KMT2C: variants seen among roughly 807,000 people sequenced by gnomAD.
KMT2C encodes histone-lysine N-methyltransferase 2C.
KMT2C carries 88 observed loss-of-function variants against 507.9 expected under a neutral mutation model. The observed-to-expected ratio is 0.17, with a 90% confidence interval of 0.15 to 0.21. The LOEUF (loss-of-function observed/expected upper bound fraction) is 0.21, where lower values mean the gene tolerates loss of function less well. Among genes scored for constraint, KMT2C ranks in the 10% least tolerant of loss-of-function variants. KMT2C has a pLI of 1.00. For synonymous variants in KMT2C, 2,049 were observed against 2,080.8 expected, an observed-to-expected ratio of 0.98 and a Z score of 0.42; for missense variants, 4,954 against 5,957.8, an observed-to-expected ratio of 0.83 and a Z score of 5.55.
chr7:152,212,519 A>C (rs1055480690), intron 23 of KMT2C, among the ~76,000 whole-genome samples: 6 of 152,234 alleles, frequency 3.9e-5, no homozygotes, highest in Non-Finnish European at 8.8e-5. Context: ...AGAAACCCCC[A>C]AAAATTCCAC....
intron 14 of KMT2C, among the ~76,000 whole-genome samples, chr7:152,245,955 C>T (rs529409898): frequency 6.6e-6 from 1 of 152,082 alleles, no homozygotes; most frequent in South Asian, 2.1e-4. Flanking sequence ...ACAGCCAATC[C>T]CCAACGTGAA....
intron 6 of KMT2C, among the ~76,000 whole-genome samples, chr7:152,291,869 T>C (rs2096432388): frequency 6.6e-6 from 1 of 152,228 alleles, no homozygotes; most frequent in Non-Finnish European, 1.5e-5. Flanking sequence ...TATGGACACA[T>C]CTTTGTTTAC....
rs531340655 is a variant in KMT2C, at chr7:152,354,198, C to G, written c.250+4389G>C. Among the ~76,000 whole-genome samples the G allele has an allele frequency of 1.4e-4, 22 of 152,280 alleles. No homozygotes were observed. In the Middle Eastern group the frequency reaches 0.01, roughly 71 times the overall value. On this transcript the variant is annotated intron_variant, in intron 2 of 58. Coordinates refer to ENST00000262189, the MANE Select transcript of KMT2C (RefSeq NM_170606.3). ...TTTATCTAAACTGTATTTGCCTTGACCTCTCATAGGAGACAGCATGAGAAG... is the reference window on the plus strand; with the variant it reads ...TTTATCTAAACTGTATTTGCCTTGAGCTCTCATAGGAGACAGCATGAGAAG...
At chr7:152,301,760 T>C (rs1337713168) in intron 6 of KMT2C, among the ~76,000 whole-genome samples, 3 of 152,144 alleles carry the variant, frequency 2.0e-5, no homozygotes, top group Non-Finnish European at 4.4e-5. Context: ...AAAATTTACA[T>C]GGAAAAACAC....
chr7:152,341,007 AT>A (rs1450550659), intron 2 of KMT2C, among the ~76,000 whole-genome samples: 3 of 152,230 alleles, frequency 2.0e-5, no homozygotes, highest in South Asian at 4.1e-4. Flanking sequence ...TGTTAATGGA[AT>A]TTTTTGCAAT....
intron 6 of KMT2C, among the ~76,000 whole-genome samples, chr7:152,301,515 TAAA>T (rs577080463): frequency 4.0e-4 from 60 of 150,966 alleles, no homozygotes; most frequent in Non-Finnish European, 7.5e-4. Flanking sequence ...CTCAAAAAAA[TAAA>T]AAAGAAAAGA....
chr7:152,356,867 G>A (rs548986369), intron 2 of KMT2C, among the ~76,000 whole-genome samples: 1 of 149,550 alleles, frequency 6.7e-6, no homozygotes, highest in African/African-American at 2.5e-5. Flanking sequence ...CTCCAGCCTG[G>A]GAGACAAGAG....
Position 152,263,056 on chromosome 7 carries a change from G to C in KMT2C, c.1259C>G (p.Pro420Arg), listed in dbSNP as rs2095806285. 6.2e-7 allele frequency: 1 copy of C among 1,612,506 alleles called. No homozygotes were observed. ...DKGYHTFCLQ[P>R]VMKSVPTNGW... The stretch of plus-strand genomic sequence containing the variant: ...ATTGGTTGGTACTGATTTCATAACT[G>C]GTTGAAGACAAAAAGTATGATACCC... The change falls in exon 9 of 59, where the codon CCA becomes CGA. Residue 420 changes from proline to arginine, a missense_variant. Physicochemically the swap from Pro to Arg is moderately radical, Grantham distance 103. Transcript: ENST00000262189.
intron 42 of KMT2C, among the ~76,000 whole-genome samples, chr7:152,165,163 A>G (rs112917726): frequency 2.6e-4 from 39 of 152,372 alleles, no homozygotes; most frequent in African/African-American, 9.1e-4. Context: ...GTAAGAAAGT[A>G]CAGAAAGCAC....
chr7:152,361,220 T>G (rs1339225604), intron 1 of KMT2C, among the ~76,000 whole-genome samples: 1 of 152,186 alleles, frequency 6.6e-6, no homozygotes, highest in East Asian at 1.9e-4. Flanking sequence ...AAGGTGGATC[T>G]TATTGTTCAT....
At chr7:152,375,704 C>T (rs940280102) in intron 1 of KMT2C, among the ~76,000 whole-genome samples, 1 of 152,000 alleles carries the variant, frequency 6.6e-6, no homozygotes, top group African/African-American at 2.4e-5. Context: ...CTACTGACAC[C>T]ATTTTCCAGC....
In KMT2C at chr7:152,249,896, G is replaced by A; in HGVS notation, c.1793C>T (p.Thr598Ile). The change falls in exon 13 of 59, where the codon ACA becomes ATA. Residue 598 changes from threonine (T) to isoleucine (I), a missense_variant. Coordinates refer to ENST00000262189, the MANE Select transcript of KMT2C (RefSeq NM_170606.3). ...CTTACCAGCAATAAGAAGACTATCT[G>A]TGTCAAGACTTTCTGAGGGATGACT... ...QKSHPSESLD[T>I]DSLLIAVSSQ... The A allele has an allele frequency of 6.3e-7, 1 of 1,598,540 alleles. No homozygotes were observed. Among genetic ancestry groups the A allele is most frequent in the Non-Finnish European group, 8.6e-7 (1 of 1,166,254 alleles).
intron 1 of KMT2C, among the ~76,000 whole-genome samples, chr7:152,433,958 C>A (rs1474106211): frequency 1.3e-5 from 2 of 152,170 alleles, no homozygotes; most frequent in Non-Finnish European, 2.9e-5. Flanking sequence ...AATTCAAATG[C>A]AAATTTAAAA....
At chr7:152,200,038 G>T (rs2094084612) in intron 26 of KMT2C, among the ~76,000 whole-genome samples, 1 of 152,128 alleles carries the variant, frequency 6.6e-6, no homozygotes, top group Admixed American at 6.5e-5. Context: ...GCAACTCCAA[G>T]ATCTCTCCAA....
At chr7:152,320,594 G>C (rs1286647787) in intron 3 of KMT2C, among the ~76,000 whole-genome samples, 1 of 123,082 alleles carries the variant, frequency 8.1e-6, no homozygotes, top group Non-Finnish European at 1.5e-5. Flanking sequence ...GAGTTTCTCA[G>C]AACAAAACTG....
chr7:152,284,629 T>C (rs899839481), intron 6 of KMT2C, among the ~76,000 whole-genome samples: 1 of 152,078 alleles, frequency 6.6e-6, no homozygotes, highest in African/African-American at 2.4e-5. Flanking sequence ...TGAAAACAAG[T>C]CACACATTAG....
intron 1 of KMT2C, among the ~76,000 whole-genome samples, chr7:152,374,082 G>A (rs2097310595): frequency 6.6e-6 from 1 of 152,112 alleles, no homozygotes; most frequent in Non-Finnish European, 1.5e-5. Context: ...GGAGGCCAAA[G>A]CGGGCAGATC....
chr7:152,219,861 G>A (rs1002970671), intron 23 of KMT2C, among the ~76,000 whole-genome samples: 13 of 152,030 alleles, frequency 8.6e-5, no homozygotes, highest in Non-Finnish European at 2.9e-5. Context: ...AAATTAGCCA[G>A]GCGTGGTGGC....
At chr7:152,158,235 C>A (rs942171824) in intron 44 of KMT2C, among the ~76,000 whole-genome samples, 6 of 152,230 alleles carry the variant, frequency 3.9e-5, no homozygotes, top group African/African-American at 1.4e-4. Flanking sequence ...CTGTCTCCCA[C>A]CTTCTGTAAC....
Sources: allele counts gnomAD v4.1 joint callset (sites outside exome capture counted in the v4.1 genomes callset), GRCh38; gene constraint gnomAD v4.1.1; transcripts MANE v1.5; gene names NCBI Gene and HGNC (gene_info 2026-07-23, HGNC 2026-07-21).